Variants in BAIAP2 observed in about 807,000 individuals in gnomAD.
BAIAP2 encodes the protein BAR/IMD domain containing adaptor protein 2.
BAIAP2 carries 18 observed loss-of-function variants against 63.0 expected under a neutral mutation model. The observed-to-expected ratio is 0.29, with a 90% confidence interval of 0.20 to 0.42. The LOEUF (loss-of-function observed/expected upper bound fraction) is 0.42, where lower values mean the gene tolerates loss of function less well. BAIAP2 is among the 10% of genes least tolerant of loss of function. The probability of loss-of-function intolerance (pLI) is 1.00; values close to 1 mark genes in which losing one functional copy is unlikely to be tolerated. For synonymous variants in BAIAP2, 386 were observed against 307.6 expected, an observed-to-expected ratio of 1.25 and a Z score of -2.67; for missense variants, 610 against 734.3, an observed-to-expected ratio of 0.83 and a Z score of 1.96.
rs565032612 is a variant in BAIAP2 at position 81,036,391 on chromosome 17, C to T, written c.54+1083C>T. On this transcript the variant is annotated intron_variant, in intron 1 of 13. Coordinates refer to ENST00000428708, the MANE Select transcript of BAIAP2 (RefSeq NM_001144888.2). ...TGGTTCATGTTTCCTAACCGGCTTG[C>T]ACCCTGCCCGGCAGAGTAACTGTTT... is the stretch of plus-strand genomic sequence containing the variant. Among the ~76,000 whole-genome samples the T allele has an allele frequency of 2.0e-5, 3 of 152,264 alleles. No homozygotes were observed. In the East Asian group the frequency reaches 5.8e-4, roughly 30 times the overall value.
chr17:81,089,932 C>T (rs1457835795), intron 6 of BAIAP2, among the ~76,000 whole-genome samples: 1 of 152,126 alleles, frequency 6.6e-6, no homozygotes, highest in Non-Finnish European at 1.5e-5. Context: ...GCTTGGCGAG[C>T]CTCATCTTCT....
At chr17:81,070,846 A>G (rs1454543988) in intron 3 of BAIAP2, among the ~76,000 whole-genome samples, 2 of 152,204 alleles carry the variant, frequency 1.3e-5, no homozygotes, top group Non-Finnish European at 2.9e-5. Flanking sequence ...AGGGTCCTTG[A>G]TCCCAGCGTG....
intron 1 of BAIAP2, among the ~76,000 whole-genome samples, chr17:81,048,585 G>A (rs1476495103): frequency 6.6e-6 from 1 of 151,892 alleles, no homozygotes; most frequent in East Asian, 1.9e-4. Flanking sequence ...GAATCATAAT[G>A]GCCATCAGTC....
chr17:81,073,156 G>A (rs1301416563), intron 3 of BAIAP2, among the ~76,000 whole-genome samples: 1 of 152,026 alleles, frequency 6.6e-6, no homozygotes, highest in East Asian at 1.9e-4. Flanking sequence ...ACCCTCCAGC[G>A]GCCCCTCCCC....
rs371182316 is a variant in BAIAP2 at position 81,101,887 on chromosome 17, G to A, written c.643-1615G>A. 9.2e-5 allele frequency among the ~76,000 whole-genome samples: 14 copies of A among 152,210 alleles called. No homozygotes were observed. In the East Asian group the frequency reaches 1.9e-3, roughly 21 times the overall value. ...TGCCAGGCAGGGAGCGCTGTGGAGC[G>A]CAGGCCTCCCGCCTGCTAGACCCAG... On this transcript the variant is annotated intron_variant, in intron 7 of 13. Transcript: ENST00000428708.
intron 1 of BAIAP2, among the ~76,000 whole-genome samples, chr17:81,044,840 G>T (rs1336471836): frequency 6.6e-6 from 1 of 152,380 alleles, no homozygotes; most frequent in Admixed American, 6.5e-5. Context: ...CTGGCAAGGC[G>T]CCAGCTCAGT....
At chr17:81,080,681 T>C (rs879488102) in intron 3 of BAIAP2, among the ~76,000 whole-genome samples, 4 of 152,242 alleles carry the variant, frequency 2.6e-5, no homozygotes, top group Non-Finnish European at 5.9e-5. Context: ...GAACACGTGC[T>C]TGTTATCTGG....
At chr17:81,036,615 G>A (rs2046302113) in intron 1 of BAIAP2, among the ~76,000 whole-genome samples, 1 of 152,252 alleles carries the variant, frequency 6.6e-6, no homozygotes, top group Non-Finnish European at 1.5e-5. Context: ...GAAGGTTTCT[G>A]AAGGCGGGTG....
chr17:81,108,392 A>G (rs2146043936), intron 12 of BAIAP2, 83 bp from the exon 13 acceptor site: 1 of 1,477,682 alleles, frequency 6.8e-7, no homozygotes, highest in Non-Finnish European at 9.4e-7. Flanking sequence ...CAGGATCACC[A>G]TTTGTGGGTG....
intron 3 of BAIAP2, among the ~76,000 whole-genome samples, chr17:81,068,621 C>G (rs1287365302): frequency 6.6e-6 from 1 of 152,242 alleles, no homozygotes; most frequent in Non-Finnish European, 1.5e-5. Flanking sequence ...TGGAGCCCGT[C>G]TCAGGTGGCT....
rs532691735 is a variant in BAIAP2, at chr17:81,108,723, A to T, written c.1535+214A>T. 288 of 851,112 alleles carry T rather than the reference A, an allele frequency of 3.4e-4. 1 individual carries two copies. The South Asian group carries it at 4.8e-3, about 14-fold the overall frequency. 52.7% of individuals were successfully genotyped at this position (851,112 alleles called of 1,614,324 possible). A position where few individuals can be genotyped will look rare whatever the true frequency, so the allele number is the denominator to read the frequency against. ...CTGGGCCCTGCCCCTCTTTCATCGC[A>T]TCTGGCCGGCCCCATCCATCCCTGT... On this transcript the variant is annotated intron_variant, in intron 13 of 13. Coordinates refer to ENST00000428708, the MANE Select transcript of BAIAP2 (RefSeq NM_001144888.2).
At chr17:81,047,717 C>T (rs1313250822) in intron 1 of BAIAP2, among the ~76,000 whole-genome samples, 5 of 151,672 alleles carry the variant, frequency 3.3e-5, no homozygotes, top group Admixed American at 3.3e-4. Flanking sequence ...CACATGCGTC[C>T]AGCACATGTG....
intron 3 of BAIAP2, among the ~76,000 whole-genome samples, chr17:81,060,199 A>G (rs1043547154): frequency 6.6e-6 from 1 of 152,216 alleles, no homozygotes; most frequent in African/African-American, 2.4e-5. Context: ...TTCACATGCC[A>G]TACAGTTACC....
intron 3 of BAIAP2, among the ~76,000 whole-genome samples, chr17:81,082,591 C>T (rs2054825957): frequency 6.6e-6 from 1 of 152,208 alleles, no homozygotes; most frequent in South Asian, 2.1e-4. Context: ...TAGCGGGACA[C>T]GTGTCACAGG....
chr17:81,076,591 C>T (rs1198676427), intron 3 of BAIAP2: 1 of 152,220 alleles, frequency 6.6e-6, no homozygotes, highest in Non-Finnish European at 1.5e-5. Flanking sequence ...GCTGTTCTTG[C>T]AGCAGCACTG....
intron 2 of BAIAP2, among the ~76,000 whole-genome samples, chr17:81,055,569 G>GTTTTTTTTTTTTTTTTTTT (rs1555657837): frequency 1.1e-5 from 1 of 94,188 alleles, no homozygotes; most frequent in Non-Finnish European, 2.1e-5. Flanking sequence ...TCTGCAGGGT[G>GTTTTTTTTTTTTTTTTTTT]TTTTGTTTTT....
intron 3 of BAIAP2, 42 bp downstream of exon 3, chr17:81,058,009 C>T (rs770439626): frequency 2.2e-6 from 3 of 1,386,178 alleles, no homozygotes; most frequent in African/African-American, 2.9e-5. Flanking sequence ...TCGCCTGATG[C>T]CCTCAGGCAG....
chr17:81,102,682 G>C (rs2058659181), intron 7 of BAIAP2, among the ~76,000 whole-genome samples: 1 of 152,098 alleles, frequency 6.6e-6, no homozygotes, highest in Admixed American at 6.5e-5. Flanking sequence ...CATCCTCCGT[G>C]GGTCCCCAGC....
intron 3 of BAIAP2, among the ~76,000 whole-genome samples, chr17:81,068,289 G>A (rs932875839): frequency 6.6e-6 from 1 of 152,360 alleles, no homozygotes; most frequent in East Asian, 1.9e-4. Flanking sequence ...AATAATCAGT[G>A]AGCACAGATA....
Sources: gnomAD v4.1 joint callset for allele counts (sites outside exome capture counted in the v4.1 genomes callset) on GRCh38, gnomAD v4.1.1 for gene constraint, MANE v1.5 for transcripts, NCBI Gene and HGNC (gene_info 2026-07-23, HGNC 2026-07-21) for gene names.